Variants in LINGO2 observed in about 807,000 individuals in gnomAD.
The protein encoded by LINGO2 is leucine rich repeat and Ig domain containing 2, also known as leucine-rich repeat and immunoglobulin-like domain-containing nogo receptor-interacting protein 2.
LINGO2 carries 14 observed loss-of-function variants against 30.6 expected under a neutral mutation model. The ratio of observed to expected loss-of-function variants is 0.46; its 90% CI spans 0.30 to 0.72. The LOEUF (loss-of-function observed/expected upper bound fraction) is 0.72, where lower values mean the gene tolerates loss of function less well. Ranked by LOEUF, LINGO2 falls within the 30% of genes least tolerant of loss-of-function variation. The pLI is 0.07. For missense variants in LINGO2, 729 were observed against 751.7 expected (o/e 0.97, Z 0.35); for synonymous variants, 317 against 288.5 (o/e 1.10, Z -1.00).
chr9:27,971,680 C>T (rs933702515), intron 5 of LINGO2, among the ~76,000 whole-genome samples: 2 of 152,256 alleles, frequency 1.3e-5, no homozygotes, highest in African/African-American at 2.4e-5. Flanking sequence ...TGAGCCACGG[C>T]GCCCGGCCTG....
intron 4 of LINGO2, among the ~76,000 whole-genome samples, chr9:28,028,747 T>A (rs891386907): frequency 1.1e-4 from 16 of 151,934 alleles, no homozygotes; most frequent in Non-Finnish European, 2.1e-4. Flanking sequence ...GTTTTTTGTA[T>A]TTTTTTTCTT....
chr9:28,074,698 C>T (rs1448060066), intron 4 of LINGO2, among the ~76,000 whole-genome samples: 4 of 152,088 alleles, frequency 2.6e-5, no homozygotes, highest in Admixed American at 2.6e-4. Context: ...CAAACACATG[C>T]ACTAATTAAT....
chr9:29,167,444 G>A, the LINGO2 span, among the ~76,000 whole-genome samples: 2 of 152,054 alleles, frequency 1.3e-5, no homozygotes, highest in African/African-American at 4.8e-5. Flanking sequence ...CAAAATAAGA[G>A]AGAACCAAAG....
intron 3 of LINGO2, among the ~76,000 whole-genome samples, chr9:28,370,993 A>G (rs1454939995): frequency 6.6e-6 from 1 of 152,238 alleles, no homozygotes; most frequent in Non-Finnish European, 1.5e-5. Flanking sequence ...GCAAGCCATC[A>G]GAAGTATCTA....
chr9:29,045,060 C>T, the LINGO2 span, among the ~76,000 whole-genome samples: 1 of 151,976 alleles, frequency 6.6e-6, no homozygotes, highest in Non-Finnish European at 1.5e-5. Flanking sequence ...GAGATTTTTA[C>T]AACAGTTGAT....
chr9:28,452,779 C>T (rs1023103826), intron 2 of LINGO2, among the ~76,000 whole-genome samples: 1 of 151,646 alleles, frequency 6.6e-6, no homozygotes, highest in African/African-American at 2.4e-5. Flanking sequence ...ACAGTCTAGA[C>T]AAAATGTAAG....
intron 2 of LINGO2, among the ~76,000 whole-genome samples, chr9:28,400,906 A>T (rs2134743045): frequency 6.6e-6 from 1 of 152,270 alleles, no homozygotes; most frequent in Non-Finnish European, 1.5e-5. Flanking sequence ...GATATATTTT[A>T]ATTTTTTATG....
intron 4 of LINGO2, among the ~76,000 whole-genome samples, chr9:28,279,277 A>C (rs1823237141): frequency 6.6e-6 from 1 of 152,244 alleles, no homozygotes; most frequent in Admixed American, 6.5e-5. Flanking sequence ...TTATTTGATA[A>C]AGCAGTAGCA....
At chr9:28,099,967 G>A (rs1267022484) in intron 4 of LINGO2, among the ~76,000 whole-genome samples, 2 of 152,084 alleles carry the variant, frequency 1.3e-5, no homozygotes, top group African/African-American at 2.4e-5. Flanking sequence ...CAAATAATAT[G>A]TTTTTACCTC....
intron 5 of LINGO2, among the ~76,000 whole-genome samples, chr9:27,955,926 G>A (rs575658091): frequency 1.8e-4 from 26 of 145,388 alleles, no homozygotes; most frequent in Admixed American, 5.0e-4. Flanking sequence ...CCTTCGACAT[G>A]GATACTGACT....
At chr9:28,612,699 T>C (rs1035209415) in intron 1 of LINGO2, among the ~76,000 whole-genome samples, 5 of 152,148 alleles carry the variant, frequency 3.3e-5, no homozygotes, top group African/African-American at 1.2e-4. Flanking sequence ...GGCTTGTAAG[T>C]AGAAGGCACT....
At chr9:28,281,431 A>G (rs1242965566) in intron 4 of LINGO2, among the ~76,000 whole-genome samples, 1 of 151,712 alleles carries the variant, frequency 6.6e-6, no homozygotes, top group Non-Finnish European at 1.5e-5. Context: ...AAATAAATTC[A>G]TATGCATATT....
the LINGO2 span, among the ~76,000 whole-genome samples, chr9:28,893,008 C>T: frequency 1.3e-5 from 2 of 151,908 alleles, no homozygotes; most frequent in African/African-American, 4.8e-5. Flanking sequence ...GCTTTATGCA[C>T]CTCTACCTTT....
the LINGO2 span, among the ~76,000 whole-genome samples, chr9:28,940,162 T>C: frequency 9.2e-5 from 14 of 152,286 alleles, no homozygotes; most frequent in South Asian, 2.7e-3. Flanking sequence ...AGTGACAGTT[T>C]AGCTGTTCAC....
At chr9:28,446,026 G>A (rs758822914) in intron 2 of LINGO2, among the ~76,000 whole-genome samples, 30 of 152,136 alleles carry the variant, frequency 2.0e-4, no homozygotes, top group Non-Finnish European at 3.8e-4. Context: ...ATATTATTAA[G>A]CAAGACAGAG....
the LINGO2 span, among the ~76,000 whole-genome samples, chr9:28,793,207 G>T: frequency 1.3e-5 from 2 of 152,058 alleles, no homozygotes; most frequent in Non-Finnish European, 2.9e-5. Context: ...TGAGGAAAAA[G>T]AAAATGACAA....
At chr9:28,479,956 T>TATATATATATATATATATATAC (rs1491144467) in intron 1 of LINGO2, among the ~76,000 whole-genome samples, 4 of 105,052 alleles carry the variant, frequency 3.8e-5, no homozygotes, top group African/African-American at 7.1e-5. Flanking sequence ...TATATATATA[T>TATATATATATATATATATATAC]GTACATTTTG....
intron 4 of LINGO2, among the ~76,000 whole-genome samples, chr9:28,228,220 A>G (rs988798377): frequency 3.9e-5 from 6 of 152,022 alleles, no homozygotes; most frequent in African/African-American, 1.4e-4. Context: ...TTTGAAAGGT[A>G]GGCACCAAAT....
the LINGO2 span, among the ~76,000 whole-genome samples, chr9:29,044,873 C>T: frequency 6.6e-6 from 1 of 151,970 alleles, no homozygotes; most frequent in East Asian, 1.9e-4. Context: ...AAGTTAGGCA[C>T]AGTAAGAGAT....
Sources: gnomAD v4.1 joint callset for allele counts (sites outside exome capture counted in the v4.1 genomes callset) on GRCh38, gnomAD v4.1.1 for gene constraint, MANE v1.5 for transcripts, NCBI Gene and HGNC (gene_info 2026-07-23, HGNC 2026-07-21) for gene names.